The following GPD2 variants were observed in gnomAD, a reference collection of about 807,000 sequenced individuals.
GPD2 encodes glycerol-3-phosphate dehydrogenase, mitochondrial.
A neutral mutation model predicts 82.4 loss-of-function variants in GPD2; 54 were observed. The ratio of observed to expected loss-of-function variants is 0.66; its 90% CI spans 0.53 to 0.82. The LOEUF (loss-of-function observed/expected upper bound fraction) is 0.82, where lower values mean the gene tolerates loss of function less well. Ranked by LOEUF, GPD2 falls within the 40% of genes least tolerant of loss-of-function variation. The pLI, the probability that GPD2 is intolerant of heterozygous loss-of-function variation, is 0.00. For synonymous variants in GPD2, 288 were observed against 306.1 expected (o/e 0.94, Z 0.62); for missense variants, 748 against 896.2 (o/e 0.83, Z 2.11).
the GPD2 span, among the ~76,000 whole-genome samples, chr2:156,411,010 T>C: frequency 7.1e-4 from 108 of 152,312 alleles, no homozygotes; most frequent in African/African-American, 2.5e-3. Flanking sequence ...AAATTCTATG[T>C]TGTGGGAGAA....
At chr2:156,558,261 A>G (rs1016927425) in intron 9 of GPD2, among the ~76,000 whole-genome samples, 1 of 152,130 alleles carries the variant, frequency 6.6e-6, no homozygotes, top group Admixed American at 6.5e-5. Flanking sequence ...TAGTCACTCA[A>G]ATTAGAAATG....
intron 9 of GPD2, among the ~76,000 whole-genome samples, chr2:156,564,794 A>T (rs566069918): frequency 6.6e-6 from 1 of 152,228 alleles, no homozygotes; most frequent in East Asian, 1.9e-4. Flanking sequence ...TTTTTAATAA[A>T]TTTATTCCCA....
At chr2:156,561,201 C>G (rs1687162033) in intron 9 of GPD2, among the ~76,000 whole-genome samples, 1 of 151,730 alleles carries the variant, frequency 6.6e-6, no homozygotes, top group African/African-American at 2.4e-5. Flanking sequence ...GCACACGCCA[C>G]CACACCCGGC....
intron 1 of GPD2, among the ~76,000 whole-genome samples, chr2:156,451,518 G>T (rs1330054518): frequency 1.2e-5 from 1 of 80,186 alleles, no homozygotes. Flanking sequence ...GAGCGGGGGG[G>T]CTGACCCCCC....
chr2:156,512,391 TC>T, intron 5 of GPD2, 74 bp downstream of exon 5: 2 of 791,734 alleles, frequency 2.5e-6, no homozygotes, highest in Non-Finnish European at 4.6e-6. Flanking sequence ...ATGGAAATAA[TC>T]CCTCAATGCA....
intron 1 of GPD2, among the ~76,000 whole-genome samples, chr2:156,456,845 G>A (rs933599690): frequency 6.6e-6 from 1 of 152,020 alleles, no homozygotes; most frequent in Non-Finnish European, 1.5e-5. Flanking sequence ...GCGTAGCATG[G>A]GTAAAGGTGG....
At chr2:156,510,761 A>C (rs1400013841) in intron 3 of GPD2, 35 bp from the exon 4 acceptor site, 1 of 1,582,276 alleles carries the variant, frequency 6.3e-7, no homozygotes, top group East Asian at 2.2e-5. Context: ...AAATTGTGTA[A>C]TTTAAGAAGT....
At chr2:156,544,381 C>T (rs1316488361) in intron 6 of GPD2, among the ~76,000 whole-genome samples, 1 of 152,170 alleles carries the variant, frequency 6.6e-6, no homozygotes, top group East Asian at 1.9e-4. Flanking sequence ...ATTCCGTTGG[C>T]CAAAACAATT....
At chr2:156,551,177 G>A (rs1211553658) in intron 8 of GPD2, among the ~76,000 whole-genome samples, 1 of 143,800 alleles carries the variant, frequency 7.0e-6, no homozygotes, top group East Asian at 2.1e-4. Flanking sequence ...AGTATTCTTA[G>A]GTTTATAACT....
chr2:156,469,824 T>C (rs1458074216), intron 1 of GPD2, among the ~76,000 whole-genome samples: 1 of 152,056 alleles, frequency 6.6e-6, no homozygotes, highest in African/African-American at 2.4e-5. Context: ...GCATGGGGAT[T>C]AGAAAGGTAA....
At chr2:156,410,618 G>A in the GPD2 span, among the ~76,000 whole-genome samples, 2 of 152,100 alleles carry the variant, frequency 1.3e-5, no homozygotes, top group African/African-American at 2.4e-5. Context: ...CAACCCTCCC[G>A]TCTCACCTAA....
chr2:156,450,641 T>A (rs891125166), intron 1 of GPD2, among the ~76,000 whole-genome samples: 5 of 150,934 alleles, frequency 3.3e-5, no homozygotes, highest in African/African-American at 4.9e-5. Context: ...ATTGTGGAAG[T>A]GGAGACAGTT....
chr2:156,531,202 A>C (rs990209397), intron 6 of GPD2, among the ~76,000 whole-genome samples: 1 of 152,184 alleles, frequency 6.6e-6, no homozygotes, highest in African/African-American at 2.4e-5. Context: ...CCAAATATGC[A>C]TAGTTTTAAT....
chr2:156,529,017 A>C (rs879349097), intron 6 of GPD2, among the ~76,000 whole-genome samples: 1 of 151,140 alleles, frequency 6.6e-6, no homozygotes, highest in Admixed American at 6.6e-5. Flanking sequence ...CGCCACACTG[A>C]CTTCCACAAT....
chr2:156,450,665 C>CT lies in GPD2; in HGVS notation c.-9+14169dup, dbSNP rs776070659. On this transcript the variant is annotated intron_variant, in intron 1 of 16. Transcript: ENST00000438166. ...GTGGAGACAGTTCTTATAGACAACT[C>CT]TTTTTTTTTTTTTTTTTATTGCTCA... Among the ~76,000 whole-genome samples the CT allele has an allele frequency of 1.4e-4, 10 of 71,674 alleles. 1 individual carries two copies. The East Asian group carries it at 2.6e-3, about 18-fold the overall frequency. 47.0% of individuals were successfully genotyped at this position (71,674 alleles called of 152,430 possible).
At chr2:156,493,958 G>GTGTGTGTGTA (rs60643688) in intron 2 of GPD2, among the ~76,000 whole-genome samples, 12,600 of 143,260 alleles carry the variant, frequency 0.088, 708 homozygotes, top group African/African-American at 0.16. Flanking sequence ...GTGTGTGTGT[G>GTGTGTGTGTA]TATAATTTTT....
intron 1 of GPD2, among the ~76,000 whole-genome samples, chr2:156,465,710 A>G (rs1470358991): frequency 6.6e-6 from 1 of 152,140 alleles, no homozygotes; most frequent in African/African-American, 2.4e-5. Context: ...AGCATGTAAA[A>G]TGTAAAAAGA....
chr2:156,580,805 A>G (rs1233176069), intron 16 of GPD2, among the ~76,000 whole-genome samples: 1 of 152,216 alleles, frequency 6.6e-6, no homozygotes, highest in African/African-American at 2.4e-5. Flanking sequence ...ATTACAAAAA[A>G]GAATGTTTGG....
chr2:156,489,687 TCTTC>T (rs143845551), intron 2 of GPD2, among the ~76,000 whole-genome samples: 40,139 of 108,278 alleles, frequency 0.37, 7,661 homozygotes, highest in Non-Finnish European at 0.41. Flanking sequence ...TTTCCTTCCT[TCTTC>T]CTTCCTTCCT....
Sources: allele counts gnomAD v4.1 joint callset (sites outside exome capture counted in the v4.1 genomes callset), GRCh38; gene constraint gnomAD v4.1.1; transcripts MANE v1.5; gene names NCBI Gene and HGNC (gene_info 2026-07-23, HGNC 2026-07-21).